NCKAP5: variants seen among roughly 807,000 people sequenced by gnomAD.
NCKAP5 encodes the protein NCK associated protein 5, also known as nck-associated protein 5.
Under a neutral mutation model 167.0 loss-of-function variants are expected in NCKAP5, and 92 were observed. The observed-to-expected ratio is 0.55, with a 90% confidence interval of 0.47 to 0.66. NCKAP5 has a LOEUF of 0.66. Ranked by LOEUF, NCKAP5 falls within the 30% of genes least tolerant of loss-of-function variation. The pLI, the probability that NCKAP5 is intolerant of heterozygous loss-of-function variation, is 0.00. For synonymous variants in NCKAP5, 891 were observed against 877.4 expected (o/e 1.02, Z -0.27); for missense variants, 2,378 against 2,315.0 (o/e 1.03, Z -0.56).
intron 19 of NCKAP5, among the ~76,000 whole-genome samples, chr2:132,713,872 C>A (rs1235357557): frequency 6.6e-6 from 1 of 152,156 alleles, no homozygotes; most frequent in African/African-American, 2.4e-5. Context: ...AGATCCAGAG[C>A]CAGCTTGGCC....
In NCKAP5 at chr2:132,785,580, G is replaced by C. The variant is rs1359961801; in HGVS notation, c.1231C>G (p.Arg411Gly). Reference protein sequence around the residue: ...ILEGLRKLQKRKVLLEPPSVI... With the variant: ...ILEGLRKLQKGKVLLEPPSVI... ...GATGGGGGTTCAAGTAACACTTTTC[G>C]CTTCTGTAGCTTTCTTAGCCCTTCC... Residue 411 changes from arginine (R) to glycine (G), a missense_variant, in exon 14 of 20, where the codon CGA (arginine) becomes GGA (glycine). Physicochemically the swap from Arg to Gly is moderately radical, Grantham distance 125. Transcript: ENST00000409261. 2.5e-6 allele frequency: 4 copies of C among 1,593,094 alleles called. No individual in the cohort carries two copies. The highest frequency in any genetic ancestry group is 3.4e-6 in the Non-Finnish European group (4 of 1,170,452).
chr2:132,867,842 T>A (rs911360063), intron 10 of NCKAP5, among the ~76,000 whole-genome samples: 1 of 152,188 alleles, frequency 6.6e-6, no homozygotes, highest in Admixed American at 6.5e-5. Context: ...TGGATCTCTG[T>A]TGCTCACAAT....
chr2:132,705,649 T>C (rs1688290518), intron 19 of NCKAP5, among the ~76,000 whole-genome samples: 1 of 152,046 alleles, frequency 6.6e-6, no homozygotes, highest in East Asian at 1.9e-4. Flanking sequence ...TTCACCTCCA[T>C]GTGGGAAATA....
intron 3 of NCKAP5, among the ~76,000 whole-genome samples, chr2:133,476,358 TATATA>T (rs1379422683): frequency 6.6e-6 from 1 of 152,236 alleles, no homozygotes; most frequent in African/African-American, 2.4e-5. Context: ...TTTCTTCAAT[TATATA>T]ATATAACTTC....
At chr2:133,331,971 A>G (rs1682882831) in intron 3 of NCKAP5, among the ~76,000 whole-genome samples, 1 of 152,120 alleles carries the variant, frequency 6.6e-6, no homozygotes, top group African/African-American at 2.4e-5. Flanking sequence ...AGGAATTACA[A>G]TTCTTCCTCT....
chr2:133,267,246 T>C (rs188996373), intron 4 of NCKAP5: 43 of 150,822 alleles, frequency 2.9e-4, no homozygotes, highest in African/African-American at 1.0e-3. Flanking sequence ...CATTTCCTAG[T>C]AAGAAAAAAA....
At chr2:132,778,549 T>C (rs1254409123) in intron 15 of NCKAP5, among the ~76,000 whole-genome samples, 2 of 152,168 alleles carry the variant, frequency 1.3e-5, no homozygotes, top group Non-Finnish European at 2.9e-5. Context: ...AAGATGGTGG[T>C]ATAGTACGTC....
chr2:133,442,096 A>G (rs1690896037), intron 3 of NCKAP5, among the ~76,000 whole-genome samples: 1 of 152,214 alleles, frequency 6.6e-6, no homozygotes, highest in Non-Finnish European at 1.5e-5. Flanking sequence ...GAGAACAGCA[A>G]GTTGCCAGAG....
chr2:133,240,921 C>T (rs1326544535), intron 4 of NCKAP5, among the ~76,000 whole-genome samples: 1 of 152,098 alleles, frequency 6.6e-6, no homozygotes, highest in Non-Finnish European at 1.5e-5. Flanking sequence ...TTGCATTCAC[C>T]CTCCTCCCTA....
chr2:132,824,636 G>T (rs1054818363), intron 11 of NCKAP5, among the ~76,000 whole-genome samples: 1 of 152,206 alleles, frequency 6.6e-6, no homozygotes, highest in African/African-American at 2.4e-5. Flanking sequence ...CCTTTTGGGA[G>T]TATGTTCATC....
chr2:132,989,601 G>A (rs1244216671), intron 7 of NCKAP5, among the ~76,000 whole-genome samples: 7 of 152,136 alleles, frequency 4.6e-5, no homozygotes, highest in African/African-American at 1.4e-4. Context: ...TCCTCAGGGG[G>A]AATGAGAATC....
chr2:132,916,307 T>C (rs1488467835), intron 8 of NCKAP5, among the ~76,000 whole-genome samples: 2 of 152,194 alleles, frequency 1.3e-5, no homozygotes, highest in Middle Eastern at 3.4e-3. Context: ...GGGCGTTAGC[T>C]GGATGAGTAA....
intron 2 of NCKAP5, among the ~76,000 whole-genome samples, chr2:133,530,852 G>A (rs1383778755): frequency 6.6e-6 from 1 of 152,196 alleles, no homozygotes; most frequent in Non-Finnish European, 1.5e-5. Flanking sequence ...GACAGCCACT[G>A]GAGGAGAGGT....
chr2:133,359,877 G>A (rs776080876), intron 3 of NCKAP5, among the ~76,000 whole-genome samples: 5 of 152,112 alleles, frequency 3.3e-5, no homozygotes, highest in African/African-American at 7.2e-5. Context: ...CACCTTATTC[G>A]AAAATGTTTA....
intron 4 of NCKAP5, among the ~76,000 whole-genome samples, chr2:133,244,452 C>A (rs1174941024): frequency 6.6e-6 from 1 of 151,874 alleles, no homozygotes; most frequent in Admixed American, 6.6e-5. Flanking sequence ...TTTATATAAC[C>A]CTATTTTATG....
At chr2:133,613,102 A>G in the NCKAP5 span, among the ~76,000 whole-genome samples, 1 of 152,180 alleles carries the variant, frequency 6.6e-6, no homozygotes, top group Non-Finnish European at 1.5e-5. Flanking sequence ...CCAACCCTTA[A>G]TGTATTTCCT....
chr2:133,049,993 A>G (rs1267306315), intron 6 of NCKAP5, among the ~76,000 whole-genome samples: 1 of 152,236 alleles, frequency 6.6e-6, no homozygotes, highest in East Asian at 1.9e-4. Context: ...AAGGCACAAT[A>G]AGAAAAGTGA....
rs569181644 is a variant in NCKAP5 at position 133,530,082 on chromosome 2, T to A, written c.-61-12495A>T. 3.3e-5 allele frequency among the ~76,000 whole-genome samples: 5 copies of A among 152,224 alleles called. 1 individual carries two copies. The South Asian group carries it at 6.2e-4, about 19-fold the overall frequency. On this transcript the variant is annotated intron_variant, in intron 2 of 19. Transcript: ENST00000409261. Reference sequence around the variant, plus strand: ...ATATGTCTTCCTAATATTTTTATGGTACCATCTGAAGATAATTTTGTCTTG... The same window carrying A: ...ATATGTCTTCCTAATATTTTTATGGAACCATCTGAAGATAATTTTGTCTTG...
intron 8 of NCKAP5, among the ~76,000 whole-genome samples, chr2:132,918,886 A>G (rs1695092743): frequency 6.6e-6 from 1 of 152,264 alleles, no homozygotes; most frequent in Admixed American, 6.5e-5. Context: ...AGGTCTACAC[A>G]TTGCCAAATA....
Sources: gnomAD v4.1 joint callset for allele counts (sites outside exome capture counted in the v4.1 genomes callset) on GRCh38, gnomAD v4.1.1 for gene constraint, MANE v1.5 for transcripts, NCBI Gene and HGNC (gene_info 2026-07-23, HGNC 2026-07-21) for gene names.